The following CATSPERD variants were observed in gnomAD, a reference collection of about 807,000 sequenced individuals.
CATSPERD encodes the protein catsper channel auxiliary subunit delta, also known as cation channel sperm-associated auxiliary subunit delta.
CATSPERD carries 86 observed loss-of-function variants against 98.1 expected under a neutral mutation model. That is an observed-to-expected ratio of 0.88 (90% CI 0.74 to 1.05). The LOEUF (loss-of-function observed/expected upper bound fraction) is 1.05. Ranked by LOEUF, CATSPERD falls within the 50% of genes least tolerant of loss-of-function variation. The pLI is 0.00. For synonymous variants in CATSPERD, 394 were observed against 390.2 expected (o/e 1.01, Z -0.12); for missense variants, 995 against 1,005.7 (o/e 0.99, Z 0.14).
At chr19:5,723,879 C>T (rs1005580560) in intron 1 of CATSPERD, among the ~76,000 whole-genome samples, 1 of 151,590 alleles carries the variant, frequency 6.6e-6, no homozygotes, top group African/African-American at 2.4e-5. Flanking sequence ...CGGGTTCAAG[C>T]GATTCTCCTG....
At chr19:5,741,799 T>TGG (rs1421382557) in intron 7 of CATSPERD, among the ~76,000 whole-genome samples, 1 of 15,472 alleles carries the variant, frequency 6.5e-5, no homozygotes, top group African/African-American at 1.6e-4. Context: ...GGGGGGGGGG[T>TGG]GGTGTGGATC....
intron 20 of CATSPERD, among the ~76,000 whole-genome samples, chr19:5,775,933 C>T (rs756767501): frequency 1.3e-5 from 2 of 152,130 alleles, no homozygotes; most frequent in African/African-American, 2.4e-5. Flanking sequence ...CACCCTCAAT[C>T]TTTCGGCCTC....
At chr19:5,774,196 G>A (rs1025294049) in intron 20 of CATSPERD, among the ~76,000 whole-genome samples, 10 of 151,546 alleles carry the variant, frequency 6.6e-5, no homozygotes, top group Admixed American at 3.9e-4. Flanking sequence ...TTGAACTCCT[G>A]ACCTTGTGAT....
chr19:5,774,619 G>T (rs1378258105), intron 20 of CATSPERD, among the ~76,000 whole-genome samples: 2 of 152,140 alleles, frequency 1.3e-5, no homozygotes, highest in East Asian at 1.9e-4. Context: ...AACCTAGGAG[G>T]TGAAGGTTGC....
At chr19:5,772,214 A>ATTTTTTTTTTTTTTTT in intron 19 of CATSPERD, 1 of 152,830 alleles carries the variant, frequency 6.5e-6, no homozygotes, top group Non-Finnish European at 1.2e-5. Flanking sequence ...TGCCCGGTTA[A>ATTTTTTTTTTTTTTTT]TTTTTTTTTT....
At chr19:5,735,799 C>T (rs544680947) in intron 5 of CATSPERD, among the ~76,000 whole-genome samples, 11 of 91,874 alleles carry the variant, frequency 1.2e-4, no homozygotes, top group Admixed American at 4.3e-4. Context: ...TTTTTTGAGA[C>T]GGCGTCTTGC....
chr19:5,776,183 C>T lies in CATSPERD; in HGVS notation c.1964C>T (p.Pro655Leu). 6.2e-7 allele frequency: 1 copy of T among 1,614,226 alleles called. No homozygotes were observed. The highest frequency in any genetic ancestry group is 8.5e-7 in the Non-Finnish European group (1 of 1,180,042). ...NRENYVSCHD[P>L]NNNAPLRWPD... The stretch of plus-strand genomic sequence containing the variant: ...CAGAACTATGTGAGCTGCCACGACC[C>T]CAACAACAATGCCCCTTTGAGGTGG... Residue 655 changes from proline (P) to leucine (L), a missense_variant, in exon 21 of 22, where the codon CCC becomes CTC. Pro to Leu is a moderately conservative substitution (Grantham distance 98, BLOSUM62 -3). Transcript: ENST00000381624.
chr19:5,777,837 T>C (rs2056761903), intron 21 of CATSPERD, among the ~76,000 whole-genome samples: 1 of 151,846 alleles, frequency 6.6e-6, no homozygotes, highest in African/African-American at 2.4e-5. Flanking sequence ...ATTGCACCAC[T>C]GCACTCCAGC....
At chr19:5,741,971 G>A (rs2055982503) in intron 7 of CATSPERD, among the ~76,000 whole-genome samples, 1 of 151,512 alleles carries the variant, frequency 6.6e-6, no homozygotes. Flanking sequence ...AGGTGGAGGA[G>A]GTTGCAGTAA....
Position 5,772,730 on chromosome 19 carries a change from G to T in CATSPERD, c.1764-58G>T, listed in dbSNP as rs559888495. ...GCAGCCGTCCAGGTGGCTGTGGCCC[G>T]GGTCTTCCTGGGTTGTCCCTGCTCC... On this transcript the variant is annotated intron_variant, in intron 19 of 21. Coordinates refer to ENST00000381624, the MANE Select transcript of CATSPERD (RefSeq NM_152784.4). 4 of 1,545,676 alleles carry T rather than the reference G, an allele frequency of 2.6e-6. No homozygotes were observed. The African/African-American group carries it at 4.1e-5, about 16-fold the overall frequency.
At chr19:5,729,999 A>C (rs890848172) in intron 4 of CATSPERD, 55 bp downstream of exon 4, 21 of 1,030,958 alleles carry the variant, frequency 2.0e-5, no homozygotes, top group Non-Finnish European at 3.1e-5. Context: ...TATTTGGGGG[A>C]AAATACAGTT....
At chr19:5,775,831 A>C (rs1160694486) in intron 20 of CATSPERD, among the ~76,000 whole-genome samples, 3 of 152,114 alleles carry the variant, frequency 2.0e-5, no homozygotes, top group Non-Finnish European at 4.4e-5. Context: ...TCTGGGCGGC[A>C]GACGCAGTTT....
chr19:5,757,201 G>C (rs1483541048), intron 13 of CATSPERD, among the ~76,000 whole-genome samples: 2 of 151,970 alleles, frequency 1.3e-5, no homozygotes, highest in African/African-American at 4.8e-5. Context: ...AGTGAGCTGA[G>C]TTTGCAGGAC....
chr19:5,758,383 C>T (rs1189809025), intron 14 of CATSPERD, among the ~76,000 whole-genome samples: 2 of 151,882 alleles, frequency 1.3e-5, no homozygotes, highest in Admixed American at 1.3e-4. Context: ...ATATTGGGGC[C>T]GTTGTTTCTG....
rs182429615 is a variant in CATSPERD at position 5,751,676 on chromosome 19, C to G, written c.1017C>G (p.Asp339Glu). The G allele has an allele frequency of 1.1e-3, 1,767 of 1,609,650 alleles. 7 individuals carry two copies. Among genetic ancestry groups the G allele is most frequent in the South Asian group, 2.6e-3 (239 of 90,790 alleles). The change falls in exon 12 of 22, where the codon GAC becomes GAG. Residue 339 changes from aspartate to glutamate, a missense_variant. Physicochemically the swap from Asp to Glu is conservative, Grantham distance 45. This residue lies in a region of CATSPERD where 762 missense variants were observed against 773.7 expected (regional missense o/e 0.98). Transcript: ENST00000381624. ...CAGACCAATACATCTGGTCAGAAGA[C>G]GTGGCCCTGATGTTCAGGAGCCCAG... ...KFADQYIWSE[D>E]VALMFRSPGT...
chr19:5,727,444 C>T (rs1006443041), intron 3 of CATSPERD, 100 bp downstream of exon 3: 16 of 899,292 alleles, frequency 1.8e-5, no homozygotes, highest in South Asian at 5.6e-5. Flanking sequence ...ATGGCTCTGC[C>T]GTGTGTTGCT....
Position 5,770,983 on chromosome 19 carries a change from C to T in CATSPERD, c.1674C>T (p.Ser558=), listed in dbSNP as rs200568039. Residue 558 remains serine, a synonymous_variant, in exon 19 of 22, where the codon TCC becomes TCT. Transcript: ENST00000381624. ...YDPGFQGQQS[S]EDLHVFYSYQ... ...CCGGCTTCCAGGGGCAGCAGTCCTCCGAGGACCTGCACGTGTTTTACTCCT... is the reference window on the plus strand; with the variant it reads ...CCGGCTTCCAGGGGCAGCAGTCCTCTGAGGACCTGCACGTGTTTTACTCCT... The T allele has an allele frequency of 2.1e-4, 334 of 1,613,758 alleles. No homozygotes were observed. Among genetic ancestry groups the T allele is most frequent in the Non-Finnish European group, 2.7e-4 (316 of 1,179,904 alleles).
At chr19:5,770,388 C>G (rs1046439241) in intron 18 of CATSPERD, among the ~76,000 whole-genome samples, 1 of 150,064 alleles carries the variant, frequency 6.7e-6, no homozygotes, top group African/African-American at 2.5e-5. Context: ...TGAGATTGCA[C>G]CACTGTGCTC....
chr19:5,776,277 T>G lies in CATSPERD; in HGVS notation c.2058T>G (p.Phe686Leu). 6.2e-7 allele frequency: 1 copy of G among 1,614,208 alleles called. No individual in the cohort carries two copies. The highest frequency in any genetic ancestry group is 8.5e-7 in the Non-Finnish European group (1 of 1,180,030). The change falls in exon 21 of 22, where the codon TTT becomes TTG. Residue 686 changes from phenylalanine (F) to leucine (L), a missense_variant. Transcript: ENST00000381624. ...AGATCATTTTCGGCCACAATGGCTTTTATGTCTTCTACATTTCGATCGTGG... is the reference window on the plus strand; with the variant it reads ...AGATCATTTTCGGCCACAATGGCTTGTATGTCTTCTACATTTCGATCGTGG... ...ANQIIFGHNG[F>L]YVFYISIVDP...
Sources: gnomAD v4.1 joint callset for allele counts (sites outside exome capture counted in the v4.1 genomes callset) on GRCh38, gnomAD v4.1.1 for gene constraint, gnomAD v4.1.1 regional missense constraint, MANE v1.5 for transcripts, NCBI Gene and HGNC (gene_info 2026-07-23, HGNC 2026-07-21) for gene names.